THSD4: variants seen among roughly 807,000 people sequenced by gnomAD.
THSD4 encodes the protein thrombospondin type-1 domain-containing protein 4.
A neutral mutation model predicts 119.0 loss-of-function variants in THSD4; 69 were observed. That is an observed-to-expected ratio of 0.58 (90% confidence interval 0.48 to 0.71). THSD4 has a LOEUF of 0.71. Ranked by LOEUF, THSD4 falls within the 30% of genes least tolerant of loss-of-function variation. THSD4 has a pLI of 0.00. For missense variants in THSD4, 1,393 were observed against 1,391.1 expected, an observed-to-expected ratio of 1.00 and a Z score of -0.02; for synonymous variants, 524 against 540.4, an observed-to-expected ratio of 0.97 and a Z score of 0.42.
intron 7 of THSD4, among the ~76,000 whole-genome samples, chr15:71,442,660 G>GTGTGTGTATGTATGTATGTATGTATATA: frequency 3.9e-5 from 1 of 25,828 alleles, no homozygotes; most frequent in Non-Finnish European, 9.2e-5. Context: ...GTGTGTGTGT[G>GTGTGTGTATGTATGTATGTATGTATATA]TATATATATA....
At position 71,486,193 on chromosome 15, in the gene THSD4, C is replaced by T. The variant is rs79641066; in HGVS notation, c.1152+74370C>T. On this transcript the variant is annotated intron_variant, in intron 7 of 17. Coordinates refer to ENST00000261862, the MANE Select transcript of THSD4 (RefSeq NM_024817.3). ...TCGGAGTCAGAGTTGAAGTGGTATCCATCTTCCTTCAAAATCAAACCTTCC... is the reference window on the plus strand; with the variant it reads ...TCGGAGTCAGAGTTGAAGTGGTATCTATCTTCCTTCAAAATCAAACCTTCC... Among the ~76,000 whole-genome samples the T allele has an allele frequency of 4.1e-4, 62 of 152,166 alleles. No individual in the cohort carries two copies. The East Asian group carries it at 0.011, about 28-fold the overall frequency.
In THSD4 at chr15:71,395,914, G is replaced by GACACACACACACAC. The variant is rs58433075; in HGVS notation, c.1016-15747_1016-15734dup. ...TCTGCTTCTCAGTGTTTTGAAGAGA[G>GACACACACACACAC]ACACACACACACACACACACACACA... On this transcript the variant is annotated intron_variant, in intron 6 of 17. Transcript: ENST00000261862. Among the ~76,000 whole-genome samples, 417 of 133,370 alleles carry GACACACACACACAC rather than the reference G, an allele frequency of 3.1e-3. 2 individuals are homozygous for GACACACACACACAC. Among genetic ancestry groups the GACACACACACACAC allele is most frequent in the African/African-American group, 0.011 (392 of 34,658 alleles). The allele number at this position is 133,370 out of a possible 152,430, so 87.5% of individuals were successfully genotyped here.
At chr15:71,494,252 A>T (rs2047974710) in intron 7 of THSD4, among the ~76,000 whole-genome samples, 1 of 152,196 alleles carries the variant, frequency 6.6e-6, no homozygotes, top group Non-Finnish European at 1.5e-5. Flanking sequence ...TTATTTGGTT[A>T]AATTATAATA....
chr15:71,268,304 A>G (rs959839278), intron 6 of THSD4, among the ~76,000 whole-genome samples: 4 of 152,310 alleles, frequency 2.6e-5, no homozygotes, highest in East Asian at 1.9e-4. Flanking sequence ...TAAGAAACTC[A>G]CTCAAAACCG....
chr15:71,259,229 A>C (rs1449346153), intron 6 of THSD4, among the ~76,000 whole-genome samples: 1 of 152,170 alleles, frequency 6.6e-6, no homozygotes, highest in Non-Finnish European at 1.5e-5. Flanking sequence ...GGTAACAACA[A>C]GGACTGCTGG....
At chr15:71,733,951 A>ATTGTTG (rs57720319) in intron 10 of THSD4, 6,806 of 140,198 alleles carry the variant, frequency 0.049, 214 homozygotes, top group Middle Eastern at 0.081. Context: ...GAAAGCCCTA[A>ATTGTTG]TTGTTGTTGT....
At chr15:71,698,139 T>A (rs1248135403) in intron 8 of THSD4, among the ~76,000 whole-genome samples, 1 of 152,194 alleles carries the variant, frequency 6.6e-6, no homozygotes, top group Non-Finnish European at 1.5e-5. Context: ...TACTTGTCAC[T>A]TCCTGATGCC....
In THSD4 at chr15:71,734,919, A is replaced by G. The variant is rs2053053286; in HGVS notation, c.1631-2813A>G. On this transcript the variant is annotated intron_variant, in intron 10 of 17. Transcript: ENST00000261862. ...GATTTTGCCTAGCCCTTTTCTATGCATACACAAACATGTTTCCAGCCATTT... is the reference window on the plus strand; with the variant it reads ...GATTTTGCCTAGCCCTTTTCTATGCGTACACAAACATGTTTCCAGCCATTT... Among the ~76,000 whole-genome samples the G allele has an allele frequency of 2.0e-5, 3 of 151,946 alleles. No individual in the cohort carries two copies. In the South Asian group the frequency reaches 6.2e-4, roughly 32 times the overall value.
chr15:71,282,677 T>TC (rs201972428), intron 6 of THSD4, among the ~76,000 whole-genome samples: 2,878 of 152,260 alleles, frequency 0.019, 102 homozygotes, highest in African/African-American at 0.066. Context: ...TGTAGTGACT[T>TC]CTGCTAGGAT....
In THSD4 at chr15:71,299,960, CAAAA is replaced by C. The variant is rs141320911; in HGVS notation, c.1015+43259_1015+43262del. 3.7e-3 allele frequency among the ~76,000 whole-genome samples: 404 copies of C among 109,024 alleles called. 4 individuals carry two copies. Among genetic ancestry groups the C allele is most frequent in the African/African-American group, 0.015 (381 of 25,280 alleles). 71.5% of individuals were successfully genotyped at this position (109,024 alleles called of 152,430 possible). A position where few individuals can be genotyped will look rare whatever the true frequency, so the allele number is the denominator to read the frequency against. On this transcript the variant is annotated intron_variant, in intron 6 of 17. Coordinates refer to ENST00000261862, the MANE Select transcript of THSD4 (RefSeq NM_024817.3). ...CATCATAATGAGACCCTGTCTCTAC[CAAAA>C]AAAAAAAAAAAAATATATATATATA...
intron 6 of THSD4, among the ~76,000 whole-genome samples, chr15:71,375,172 T>C (rs1414687537): frequency 6.6e-6 from 1 of 152,224 alleles, no homozygotes; most frequent in Admixed American, 6.5e-5. Context: ...ACGAGGATTG[T>C]GTACACTAAA....
chr15:71,313,697 C>G (rs1234943681), intron 6 of THSD4, among the ~76,000 whole-genome samples: 3 of 152,124 alleles, frequency 2.0e-5, no homozygotes, highest in African/African-American at 7.2e-5. Flanking sequence ...TTAGGAGAAG[C>G]ATGTCATTTT....
chr15:71,757,996 A>G lies in THSD4; in HGVS notation c.2510A>G (p.Asn837Ser). The change falls in exon 15 of 18, where the codon AAC (asparagine) becomes AGC (serine). Residue 837 changes from asparagine to serine, a missense_variant. Physicochemically the swap from Asn to Ser is conservative, Grantham distance 46. Transcript: ENST00000261862. ...SSLPLEGCGN[N>S]RPAEATPCDN... Reference sequence around the variant, plus strand: ...CTGCCCCTGGAGGGCTGTGGGAACAACCGGCCGGCAGAGGCCACCCCATGT... The same window carrying G: ...CTGCCCCTGGAGGGCTGTGGGAACAGCCGGCCGGCAGAGGCCACCCCATGT... The G allele has an allele frequency of 1.2e-6, 2 of 1,613,958 alleles. No individual in the cohort carries two copies. Among genetic ancestry groups the G allele is most frequent in the Non-Finnish European group, 1.7e-6 (2 of 1,179,966 alleles).
chr15:71,248,423 G>A (rs181823636), intron 5 of THSD4, among the ~76,000 whole-genome samples: 1 of 152,294 alleles, frequency 6.6e-6, no homozygotes, highest in Admixed American at 6.5e-5. Context: ...CTGGAGAGGA[G>A]ACTGATTGAT....
chr15:71,653,077 A>G (rs906503402), intron 7 of THSD4, among the ~76,000 whole-genome samples: 1 of 152,150 alleles, frequency 6.6e-6, no homozygotes, highest in Non-Finnish European at 1.5e-5. Context: ...TGTAACTTTG[A>G]TCTTTTGATT....
chr15:71,393,148 C>T (rs940676752), intron 6 of THSD4, among the ~76,000 whole-genome samples: 4 of 151,680 alleles, frequency 2.6e-5, no homozygotes, highest in African/African-American at 9.7e-5. Flanking sequence ...GGGGATTATG[C>T]CCCCTGCGTT....
At chr15:71,709,532 C>T (rs921138079) in intron 8 of THSD4, among the ~76,000 whole-genome samples, 5 of 152,100 alleles carry the variant, frequency 3.3e-5, no homozygotes, top group African/African-American at 4.8e-5. Flanking sequence ...CTATAGATGA[C>T]GTAGATCAGC....
chr15:71,169,236 T>A (rs967718819), intron 3 of THSD4, among the ~76,000 whole-genome samples: 16 of 152,162 alleles, frequency 1.1e-4, no homozygotes, highest in African/African-American at 3.9e-4. Context: ...CAAATTAAAA[T>A]CTCAGTGTGA....
At chr15:71,508,367 G>T (rs1231242119) in intron 7 of THSD4, among the ~76,000 whole-genome samples, 1 of 152,218 alleles carries the variant, frequency 6.6e-6, no homozygotes, top group Admixed American at 6.5e-5. Context: ...CCTGAGTCCA[G>T]CTGCCAACAG....
Sources: allele counts gnomAD v4.1 joint callset (sites outside exome capture counted in the v4.1 genomes callset), GRCh38; gene constraint gnomAD v4.1.1; transcripts MANE v1.5; gene names NCBI Gene and HGNC (gene_info 2026-07-23, HGNC 2026-07-21).